The following PDE1C variants were observed in gnomAD, a reference collection of about 807,000 sequenced individuals.
PDE1C encodes the protein phosphodiesterase 1C.
Under a neutral mutation model 93.1 loss-of-function variants are expected in PDE1C, and 62 were observed. The observed-to-expected ratio is 0.67, with a 90% CI of 0.54 to 0.82. The LOEUF is 0.82. Among genes scored for constraint, PDE1C ranks in the 40% least tolerant of loss-of-function variants. The pLI is 0.00. For missense variants in PDE1C, 742 were observed against 884.6 expected, an observed-to-expected ratio of 0.84 and a Z score of 2.04; for synonymous variants, 325 against 310.1, an observed-to-expected ratio of 1.05 and a Z score of -0.50.
intron 16 of PDE1C, among the ~76,000 whole-genome samples, chr7:31,803,481 G>A (rs980079783): frequency 6.6e-6 from 1 of 151,728 alleles, no homozygotes; most frequent in Admixed American, 6.6e-5. Flanking sequence ...GTATACCTGT[G>A]CCATGTTGGT....
chr7:32,320,622 TACACACACAC>T (rs58913478), intron 1 of PDE1C, among the ~76,000 whole-genome samples: 1 of 149,660 alleles, frequency 6.7e-6, no homozygotes, highest in African/African-American at 2.4e-5. Context: ...GGCACACACA[TACACACACAC>T]ACACACACAC....
At chr7:31,793,989 C>CAGAT (rs60751029) in intron 16 of PDE1C, among the ~76,000 whole-genome samples, 3,464 of 106,016 alleles carry the variant, frequency 0.033, 158 homozygotes, top group Middle Eastern at 0.045. Context: ...ATAGATAAAC[C>CAGAT]AGATAGATAG....
intron 2 of PDE1C, among the ~76,000 whole-genome samples, chr7:31,961,323 T>A (rs1312427282): frequency 6.6e-6 from 1 of 152,022 alleles, no homozygotes; most frequent in African/African-American, 2.4e-5. Context: ...CACACATATA[T>A]ACATATACAA....
chr7:31,813,889 T>C (rs749145489), intron 15 of PDE1C, among the ~76,000 whole-genome samples: 1 of 152,094 alleles, frequency 6.6e-6, no homozygotes, highest in Non-Finnish European at 1.5e-5. Context: ...TTCCCACTTA[T>C]GTGTGAGAAT....
intron 1 of PDE1C, among the ~76,000 whole-genome samples, chr7:32,069,888 CT>C (rs1795825720): frequency 6.6e-6 from 1 of 152,164 alleles, no homozygotes; most frequent in Non-Finnish European, 1.5e-5. Context: ...TTGGTAAGTT[CT>C]TGGACCACCT....
intron 1 of PDE1C, among the ~76,000 whole-genome samples, chr7:32,417,037 G>A (rs988069700): frequency 2.0e-5 from 3 of 152,130 alleles, no homozygotes; most frequent in Non-Finnish European, 2.9e-5. Flanking sequence ...AGACTAAGGA[G>A]AACAACAATG....
the PDE1C span, among the ~76,000 whole-genome samples, chr7:31,718,221 G>C: frequency 1.3e-5 from 2 of 152,136 alleles, no homozygotes; most frequent in Non-Finnish European, 2.9e-5. Flanking sequence ...TCCACAGGCT[G>C]CATCTTTTTC....
chr7:32,243,295 C>T (rs1163969951), intron 1 of PDE1C, among the ~76,000 whole-genome samples: 2 of 152,172 alleles, frequency 1.3e-5, no homozygotes, highest in African/African-American at 4.8e-5. Flanking sequence ...TCTTCCTGGG[C>T]TGGTGCTCAT....
chr7:32,089,576 A>G (rs971752749), intron 3 of PDE1C, among the ~76,000 whole-genome samples: 5 of 152,224 alleles, frequency 3.3e-5, no homozygotes, highest in African/African-American at 1.2e-4. Flanking sequence ...AGACACTGGC[A>G]ATGCTGAAAC....
At position 32,118,987 on chromosome 7, in the gene PDE1C, C is replaced by T. The variant is rs542625407; in HGVS notation, c.308+50798G>A. Among the ~76,000 whole-genome samples, 14 of 152,200 alleles carry T rather than the reference C, an allele frequency of 9.2e-5. No individual in the cohort carries two copies. The South Asian group carries it at 2.9e-3, about 32-fold the overall frequency. On this transcript the variant is annotated intron_variant, in intron 3 of 18. Coordinates refer to the PDE1C transcript ENST00000396193. ...GATGGGGGGTAGAGGCAGTATCAAG[C>T]CAGATAATGTGTGGGAGGGTGCCCA...
At chr7:32,145,289 G>A (rs1020955620) in intron 3 of PDE1C, among the ~76,000 whole-genome samples, 15 of 152,166 alleles carry the variant, frequency 9.9e-5, no homozygotes, top group Admixed American at 5.9e-4. Context: ...TGCTCACAGA[G>A]GTATTGCGCA....
At chr7:32,148,140 G>T (rs1222360115) in intron 3 of PDE1C, among the ~76,000 whole-genome samples, 1 of 152,026 alleles carries the variant, frequency 6.6e-6, no homozygotes, top group African/African-American at 2.4e-5. Flanking sequence ...AGAGCATTCT[G>T]TATCACAGGC....
intron 1 of PDE1C, among the ~76,000 whole-genome samples, chr7:32,266,523 C>T (rs567569433): frequency 1.2e-4 from 19 of 152,202 alleles, no homozygotes; most frequent in African/African-American, 3.1e-4. Flanking sequence ...GCCTTTCCTT[C>T]GGCGATTACA....
chr7:32,271,627 C>G (rs1160310371), intron 1 of PDE1C, among the ~76,000 whole-genome samples: 1 of 151,910 alleles, frequency 6.6e-6, no homozygotes, highest in Non-Finnish European at 1.5e-5. Flanking sequence ...AACTCACAGC[C>G]CCAGAAGAAC....
At chr7:32,150,130 A>C (rs1481024749) in intron 3 of PDE1C, among the ~76,000 whole-genome samples, 4 of 152,132 alleles carry the variant, frequency 2.6e-5, no homozygotes, top group Non-Finnish European at 5.9e-5. Flanking sequence ...CCAGCACCGG[A>C]TTCAACTCAA....
At chr7:31,739,319 C>T in the PDE1C span, among the ~76,000 whole-genome samples, 1 of 151,718 alleles carries the variant, frequency 6.6e-6, no homozygotes, top group Admixed American at 6.6e-5. Flanking sequence ...TCAGCCAGTT[C>T]AAGGAAAATT....
intron 2 of PDE1C, among the ~76,000 whole-genome samples, chr7:32,044,232 G>C (rs1256466439): frequency 1.3e-5 from 2 of 152,054 alleles, no homozygotes; most frequent in Admixed American, 6.6e-5. Flanking sequence ...GAAAAGATGG[G>C]ATTTCAACAG....
intron 1 of PDE1C, among the ~76,000 whole-genome samples, chr7:32,277,605 G>A (rs529987496): frequency 9.2e-5 from 14 of 152,344 alleles, no homozygotes; most frequent in African/African-American, 3.4e-4. Flanking sequence ...CAGCAGCTGA[G>A]ACTTCAGCTC....
At chr7:32,274,927 T>G (rs1394335828) in intron 1 of PDE1C, among the ~76,000 whole-genome samples, 1 of 152,244 alleles carries the variant, frequency 6.6e-6, no homozygotes, top group Non-Finnish European at 1.5e-5. Flanking sequence ...TACAAATATA[T>G]TTCATGACTG....
Sources: gnomAD v4.1 joint callset for allele counts (sites outside exome capture counted in the v4.1 genomes callset) on GRCh38, gnomAD v4.1.1 for gene constraint, MANE v1.5 for transcripts, NCBI Gene and HGNC (gene_info 2026-07-23, HGNC 2026-07-21) for gene names.